Variants in TASP1 observed in about 807,000 individuals in gnomAD.
TASP1 encodes taspase 1, also known as threonine aspartase 1.
In TASP1, 16 loss-of-function variants were observed where a neutral mutation model predicts 56.6. The observed-to-expected ratio is 0.28, with a 90% confidence interval of 0.19 to 0.43. The LOEUF is 0.43. TASP1 is among the 20% of genes least tolerant of loss of function. The pLI, the probability that TASP1 is intolerant of heterozygous loss-of-function variation, is 1.00. For missense variants in TASP1, 393 were observed against 511.6 expected (o/e 0.77, Z 2.24); for synonymous variants, 179 against 184.2 (o/e 0.97, Z 0.23).
the TASP1 span, among the ~76,000 whole-genome samples, chr20:13,362,420 T>C: frequency 6.6e-6 from 1 of 150,616 alleles, no homozygotes; most frequent in South Asian, 2.1e-4. Context: ...ACTGATGACA[T>C]TACCTTGTGA....
intron 12 of TASP1, among the ~76,000 whole-genome samples, chr20:13,419,638 A>C (rs2042371733): frequency 6.6e-6 from 1 of 152,184 alleles, no homozygotes; most frequent in African/African-American, 2.4e-5. Context: ...ATCTGTTTAT[A>C]TCTCTAAGCT....
chr20:13,261,642 TA>T, the TASP1 span, among the ~76,000 whole-genome samples: 24 of 152,324 alleles, frequency 1.6e-4, no homozygotes, highest in African/African-American at 5.5e-4. Context: ...CTTTCCACAG[TA>T]CCCTGAACCC....
chr20:13,377,361 G>T, the TASP1 span, among the ~76,000 whole-genome samples: 1 of 152,214 alleles, frequency 6.6e-6, no homozygotes, highest in Non-Finnish European at 1.5e-5. Context: ...TTCTGTTTAT[G>T]TGATGGATTA....
the TASP1 span, among the ~76,000 whole-genome samples, chr20:13,221,524 C>G: frequency 1.4e-5 from 2 of 144,242 alleles, no homozygotes; most frequent in African/African-American, 5.0e-5. Context: ...GCTTGGACAC[C>G]CCCGGCCTCG....
intron 11 of TASP1, among the ~76,000 whole-genome samples, chr20:13,448,947 TA>T (rs897915102): frequency 6.6e-6 from 1 of 152,078 alleles, no homozygotes; most frequent in South Asian, 2.1e-4. Flanking sequence ...TCGAGTGAGG[TA>T]AAAACACCCA....
At chr20:13,124,884 C>A in the TASP1 span, among the ~76,000 whole-genome samples, 1 of 152,286 alleles carries the variant, frequency 6.6e-6, no homozygotes, top group East Asian at 1.9e-4. Context: ...TACCCCAAAG[C>A]AGAGGATCTC....
chr20:13,281,242 A>C, the TASP1 span, among the ~76,000 whole-genome samples: 1 of 152,164 alleles, frequency 6.6e-6, no homozygotes, highest in Non-Finnish European at 1.5e-5. Context: ...ACCAAGGGAG[A>C]AAATTAACCA....
intron 2 of TASP1, among the ~76,000 whole-genome samples, chr20:13,629,656 T>C (rs2049017777): frequency 6.6e-6 from 1 of 152,016 alleles, no homozygotes; most frequent in Non-Finnish European, 1.5e-5. Context: ...TGTCTGGTTT[T>C]AATACTACCT....
At chr20:13,409,721 T>A (rs1228337293) in intron 13 of TASP1, among the ~76,000 whole-genome samples, 1 of 152,294 alleles carries the variant, frequency 6.6e-6, no homozygotes, top group Admixed American at 6.5e-5. Flanking sequence ...ATTTTACATA[T>A]GTATGGGATA....
downstream of TASP1, among the ~76,000 whole-genome samples, chr20:13,387,512 C>T (rs532375530): frequency 1.3e-5 from 2 of 152,208 alleles, no homozygotes; most frequent in South Asian, 4.1e-4. Context: ...TTTATGGCTG[C>T]ATAGTATTCC....
chr20:13,340,339 T>A, the TASP1 span, among the ~76,000 whole-genome samples: 1 of 152,134 alleles, frequency 6.6e-6, no homozygotes. Flanking sequence ...ACCTCCTACC[T>A]CCAGATGTTT....
At chr20:13,411,909 C>T (rs570839425) in intron 13 of TASP1, among the ~76,000 whole-genome samples, 3 of 152,292 alleles carry the variant, frequency 2.0e-5, no homozygotes, top group South Asian at 2.1e-4. Flanking sequence ...AGGCCCTGTA[C>T]ATGTTGGGAG....
Position 13,414,155 on chromosome 20 carries a change from A to C in TASP1, c.1170+3293T>G, listed in dbSNP as rs2042178146. 2.6e-5 allele frequency among the ~76,000 whole-genome samples: 4 copies of C among 152,216 alleles called. No individual in the cohort carries two copies. The South Asian group carries it at 6.2e-4, about 24-fold the overall frequency. ...ATTATTTCCTCTGGAACATTTCTGC[A>C]GCCTGTCTTTTATGACATTGACATT... On this transcript the variant is annotated intron_variant, in intron 13 of 13. Coordinates refer to ENST00000337743, the MANE Select transcript of TASP1 (RefSeq NM_017714.3).
chr20:13,204,689 G>T, the TASP1 span, among the ~76,000 whole-genome samples: 1 of 152,070 alleles, frequency 6.6e-6, no homozygotes, highest in Non-Finnish European at 1.5e-5. Flanking sequence ...ACAGGTGCAC[G>T]CCACCAGTGG....
At chr20:13,275,151 T>G in the TASP1 span, among the ~76,000 whole-genome samples, 1 of 152,202 alleles carries the variant, frequency 6.6e-6, no homozygotes, top group Non-Finnish European at 1.5e-5. Context: ...CAAGTTGAGA[T>G]TAGTATTCAT....
At chr20:13,591,156 A>G (rs2047517017) in intron 4 of TASP1, among the ~76,000 whole-genome samples, 2 of 152,116 alleles carry the variant, frequency 1.3e-5, no homozygotes, top group South Asian at 4.1e-4. Context: ...TGGAGTCCCA[A>G]ATAAAAGTAG....
chr20:13,467,803 G>C (rs2044321296), intron 11 of TASP1, among the ~76,000 whole-genome samples: 1 of 152,040 alleles, frequency 6.6e-6, no homozygotes, highest in Non-Finnish European at 1.5e-5. Context: ...GATCAACTGA[G>C]GTCAGGAGTT....
intron 10 of TASP1, among the ~76,000 whole-genome samples, chr20:13,524,562 A>G (rs1474163322): frequency 6.6e-6 from 1 of 152,192 alleles, no homozygotes; most frequent in African/African-American, 2.4e-5. Flanking sequence ...AAATATACCC[A>G]CAGCCCTCTT....
At chr20:13,105,036 T>G in the TASP1 span, among the ~76,000 whole-genome samples, 1 of 152,218 alleles carries the variant, frequency 6.6e-6, no homozygotes, top group African/African-American at 2.4e-5. Flanking sequence ...GATGTAAGCA[T>G]GCAGCTTGCT....
Sources: gnomAD v4.1 joint callset for allele counts (sites outside exome capture counted in the v4.1 genomes callset) on GRCh38, gnomAD v4.1.1 for gene constraint, MANE v1.5 for transcripts, NCBI Gene and HGNC (gene_info 2026-07-23, HGNC 2026-07-21) for gene names.